Variants in TUBG1 observed in about 807,000 individuals in gnomAD.
The protein encoded by TUBG1 is tubulin gamma 1.
Under a neutral mutation model 53.3 loss-of-function variants are expected in TUBG1, and 22 were observed. The observed-to-expected ratio is 0.41, with a 90% confidence interval of 0.29 to 0.59. The LOEUF (loss-of-function observed/expected upper bound fraction) is 0.59. TUBG1 is among the 20% of genes least tolerant of loss of function. The pLI is 0.26. For synonymous variants in TUBG1, 198 were observed against 236.7 expected (o/e 0.84, Z 1.50); for missense variants, 217 against 598.9 (o/e 0.36, Z 6.66).
At chr17:42,612,318 T>TG (rs2052042653) in intron 4 of TUBG1, 109 bp from the exon 5 acceptor site, 1 of 1,377,508 alleles carries the variant, frequency 7.3e-7, no homozygotes, top group Non-Finnish European at 1.0e-6. Flanking sequence ...GGGGACTGGA[T>TG]GGGAAGCAAG....
At position 42,614,084 on chromosome 17, in the gene TUBG1, C is replaced by T. The variant is rs2143455493; in HGVS notation, c.843+86C>T. On this transcript the variant is annotated intron_variant, in intron 8 of 10. Transcript: ENST00000251413. The surrounding 1 kb of genome is among the most constrained non-coding windows in gnomAD (Gnocchi z 5.1). ...AGCCTTTCTCTCTTCCCCACTGCCC[C>T]AGGAGCTACCCTTTGTGGACCCCAA... The T allele has an allele frequency of 6.2e-7, 1 of 1,600,446 alleles. No individual in the cohort carries two copies. Among genetic ancestry groups the T allele is most frequent in the Middle Eastern group, 1.7e-4 (1 of 5,970 alleles).
At chr17:42,612,782 CT>C (rs777197387) in intron 5 of TUBG1, among the ~76,000 whole-genome samples, 164 bp from the exon 6 acceptor site, 5 of 152,274 alleles carry the variant, frequency 3.3e-5, no homozygotes, top group Admixed American at 6.5e-5. Flanking sequence ...GCCCTTCCCC[CT>C]GTAGGGCTAC....
intron 3 of TUBG1, 119 bp from the exon 4 acceptor site, chr17:42,611,956 G>C (rs1265919908): frequency 1.2e-6 from 1 of 818,360 alleles, no homozygotes; most frequent in African/African-American, 1.7e-5. Flanking sequence ...ATAAAAGCAG[G>C]TAGCTATGCT....
rs2052063920 is a variant in TUBG1 at position 42,614,785 on chromosome 17, T to C, written c.1159-59T>C. On this transcript the variant is annotated intron_variant, in intron 10 of 10. Transcript: ENST00000251413. This position sits in a 1 kb window ranked among gnomAD's most constrained non-coding sequence, Gnocchi z 5.1. ...ATAGCCCAGCCTTGGTTCCCCAGCT[T>C]TCTGGGCCACGTTATTCTTTGAAGT... The C allele has an allele frequency of 6.2e-7, 1 of 1,611,514 alleles. No individual in the cohort carries two copies. Among genetic ancestry groups the C allele is most frequent in the Non-Finnish European group, 8.5e-7 (1 of 1,178,370 alleles).
At chr17:42,611,976 G>A (rs747555977) in intron 3 of TUBG1, 99 bp from the exon 4 acceptor site, 28 of 1,050,450 alleles carry the variant, frequency 2.7e-5, no homozygotes, top group Non-Finnish European at 4.1e-5. Context: ...TCCATAAAAG[G>A]ACTTCTGGGT....
Position 42,614,123 on chromosome 17 carries a change from G to C in TUBG1, c.843+125G>C. On this transcript the variant is annotated intron_variant, in intron 8 of 10. Transcript: ENST00000251413. This position sits in a 1 kb window ranked among gnomAD's most constrained non-coding sequence, Gnocchi z 5.1. ...TGTGGACCCCAAGGCGCGGCGCTCA[G>C]GGACTGGCACAGAGTGGGCGACTTT... 1 of 1,585,302 alleles carries C rather than the reference G, an allele frequency of 6.3e-7. No homozygotes were observed. Among genetic ancestry groups the C allele is most frequent in the Non-Finnish European group, 8.6e-7 (1 of 1,164,570 alleles).
At chr17:42,612,044 C>T (rs2052040572) in intron 3 of TUBG1, 31 bp from the exon 4 acceptor site, 1 of 1,611,044 alleles carries the variant, frequency 6.2e-7, no homozygotes, top group Admixed American at 1.7e-5. Flanking sequence ...ATGGTTCTGT[C>T]CCACTCTGAC....
intron 2 of TUBG1, 63 bp downstream of exon 2, chr17:42,610,283 C>G: frequency 6.2e-7 from 1 of 1,610,612 alleles, no homozygotes; most frequent in Non-Finnish European, 8.5e-7. Context: ...AAGGGAGTGG[C>G]CTGGTACTGG....
Position 42,614,354 on chromosome 17 carries a change from C to T in TUBG1, c.938C>T (p.Thr313Ile). The T allele has an allele frequency of 3.7e-6, 6 of 1,613,946 alleles. No homozygotes were observed. The highest frequency in any genetic ancestry group is 5.1e-6 in the Non-Finnish European group (6 of 1,179,858). ...GTGTCCACAGGCCGAGACCGCCAGA[C>T]CAACCACTGCTACATCGCCATCCTC... The part of the protein sequence containing the change: ...VMVSTGRDRQ[T>I]NHCYIAILNI... The change falls in exon 9 of 11, where the codon ACC (threonine) becomes ATC (isoleucine). Residue 313 changes from threonine (T) to isoleucine (I), a missense_variant. Transcript: ENST00000251413. The surrounding 1 kb of genome is among the most constrained non-coding windows in gnomAD (Gnocchi z 5.1).
chr17:42,611,952 G>A, intron 3 of TUBG1, 123 bp from the exon 4 acceptor site: 1 of 785,270 alleles, frequency 1.3e-6, no homozygotes, highest in Non-Finnish European at 2.1e-6. Context: ...GTAGATAAAA[G>A]CAGGTAGCTA....
In TUBG1 at chr17:42,614,140, G is replaced by T; in HGVS notation, c.844-120G>T. 1 of 1,586,834 alleles carries T rather than the reference G, an allele frequency of 6.3e-7. No homozygotes were observed. Among genetic ancestry groups the T allele is most frequent in the Non-Finnish European group, 8.6e-7 (1 of 1,164,944 alleles). On this transcript the variant is annotated intron_variant, in intron 8 of 10. Coordinates refer to ENST00000251413, the MANE Select transcript of TUBG1 (RefSeq NM_001070.5). The surrounding 1 kb of genome is among the most constrained non-coding windows in gnomAD (Gnocchi z 5.1). The stretch of plus-strand genomic sequence containing the variant: ...GGCGCTCAGGGACTGGCACAGAGTG[G>T]GCGACTTTCTTGCTGACTTGCTCTC...
rs901847717 is a variant in TUBG1 at position 42,614,790 on chromosome 17, G to A, written c.1159-54G>A. 21 of 1,611,828 alleles carry A rather than the reference G, an allele frequency of 1.3e-5. No homozygotes were observed. In the African/African-American group the frequency reaches 2.3e-4, roughly 17 times the overall value. On this transcript the variant is annotated intron_variant, in intron 10 of 10. Transcript: ENST00000251413. The surrounding 1 kb of genome is among the most constrained non-coding windows in gnomAD (Gnocchi z 5.1). ...CCAGCCTTGGTTCCCCAGCTTTCTG[G>A]GCCACGTTATTCTTTGAAGTTCTTT...
chr17:42,612,051 T>C (rs867425887), intron 3 of TUBG1, 24 bp from the exon 4 acceptor site: 4 of 1,613,512 alleles, frequency 2.5e-6, no homozygotes, highest in Middle Eastern at 3.3e-4. Context: ...TGTCCCACTC[T>C]GACCCTCCCC....
intron 7 of TUBG1, 43 bp from the exon 8 acceptor site, chr17:42,613,806 C>T (rs770267457): frequency 1.2e-6 from 2 of 1,614,106 alleles, no homozygotes; most frequent in South Asian, 2.2e-5. Flanking sequence ...GAAGGGAGGT[C>T]CCACCCAGGC....
intron 1 of TUBG1, 135 bp from the exon 2 acceptor site, chr17:42,609,973 C>T (rs911134189): frequency 4.5e-6 from 6 of 1,322,004 alleles, no homozygotes; most frequent in South Asian, 2.8e-5. Context: ...GCGTACAGTC[C>T]TTTCCTCAGA....
In TUBG1 at chr17:42,614,077, A is replaced by G. The variant is rs1440198567; in HGVS notation, c.843+79A>G. The G allele has an allele frequency of 1.2e-6, 2 of 1,603,168 alleles. No homozygotes were observed. The highest frequency in any genetic ancestry group is 2.7e-5 in the African/African-American group (2 of 74,510). ...CTGTCCTAGCCTTTCTCTCTTCCCC[A>G]CTGCCCCAGGAGCTACCCTTTGTGG... On this transcript the variant is annotated intron_variant, in intron 8 of 10. Transcript: ENST00000251413. This position sits in a 1 kb window ranked among gnomAD's most constrained non-coding sequence, Gnocchi z 5.1.
Position 42,610,773 on chromosome 17 carries a change from A to G in TUBG1, c.330+183A>G, listed in dbSNP as rs2052025774. ...ACTAGCTAATGCAGTGTGCCAGGTC[A>G]TTCTAAGTGCTTTACATATATTAAT... On this transcript the variant is annotated intron_variant, in intron 3 of 10. Coordinates refer to ENST00000251413, the MANE Select transcript of TUBG1 (RefSeq NM_001070.5). The G allele has an allele frequency of 1.9e-5, 15 of 810,356 alleles. No homozygotes were observed. The South Asian group carries it at 2.9e-4, about 16-fold the overall frequency. The allele number at this position is 810,356 out of a possible 1,614,324, so 50.2% of individuals were successfully genotyped here. A position where few individuals can be genotyped will look rare whatever the true frequency, so the allele number is the denominator to read the frequency against.
At chr17:42,613,581 T>C in intron 6 of TUBG1, 66 bp from the exon 7 acceptor site, 1 of 1,612,172 alleles carries the variant, frequency 6.2e-7, no homozygotes, top group Non-Finnish European at 8.5e-7. Flanking sequence ...CTTCAGAGCC[T>C]AGGGTCAGGC....
chr17:42,610,111 G>A lies in TUBG1; in HGVS notation c.53G>A (p.Gly18Glu). Residue 18 changes from glycine (G) to glutamate (E), a missense_variant, in exon 2 of 11, where the codon GGG becomes GAG. Around this residue, in one of 4 missense-constraint regions of TUBG1, gnomAD observed 57 missense variants for 169.3 expected, o/e 0.34. Coordinates refer to ENST00000251413, the MANE Select transcript of TUBG1 (RefSeq NM_001070.5). Reference sequence around the variant, plus strand: ...CCTGCCCGCCCCTTCCCCCCAGTTGGGTTCGAGTTCTGGAAACAGCTGTGC... The same window carrying A: ...CCTGCCCGCCCCTTCCCCCCAGTTGAGTTCGAGTTCTGGAAACAGCTGTGC... ...LQLGQCGNQIGFEFWKQLCAE... is the reference protein window; with the variant it reads ...LQLGQCGNQIEFEFWKQLCAE... The A allele has an allele frequency of 6.2e-7, 1 of 1,614,194 alleles. No individual in the cohort carries two copies. The highest frequency in any genetic ancestry group is 8.5e-7 in the Non-Finnish European group (1 of 1,180,026).
Sources: allele counts gnomAD v4.1 joint callset (sites outside exome capture counted in the v4.1 genomes callset), GRCh38; gene constraint gnomAD v4.1.1; regional missense constraint gnomAD v4.1.1; non-coding constraint Gnocchi (gnomAD v3.1); transcripts MANE v1.5; gene names NCBI Gene and HGNC (gene_info 2026-07-23, HGNC 2026-07-21).